MYZAP: variants seen among roughly 807,000 people sequenced by gnomAD.
The protein encoded by MYZAP is myocardial zonula adherens protein, also known as GRINL1A complex locus upstream.
Under a neutral mutation model 69.4 loss-of-function variants are expected in MYZAP, and 66 were observed. The ratio of observed to expected loss-of-function variants is 0.95; its 90% CI spans 0.78 to 1.17. The LOEUF (loss-of-function observed/expected upper bound fraction) is 1.17. Among genes scored for constraint, MYZAP ranks in the 50% most tolerant of loss-of-function variants. The probability of loss-of-function intolerance (pLI) is 0.00; values close to 1 mark genes in which losing one functional copy is unlikely to be tolerated. For synonymous variants in MYZAP, 256 were observed against 205.9 expected, an observed-to-expected ratio of 1.24 and a Z score of -2.09; for missense variants, 611 against 556.2, an observed-to-expected ratio of 1.10 and a Z score of -0.99.
rs1205913065 is a variant in MYZAP, at chr15:57,650,226, G to T, written c.1119+10681G>T. 3.3e-5 allele frequency among the ~76,000 whole-genome samples: 5 copies of T among 152,188 alleles called. No homozygotes were observed. The South Asian group carries it at 1.0e-3, about 32-fold the overall frequency. On this transcript the variant is annotated intron_variant, in intron 10 of 12. Coordinates refer to ENST00000267853, the MANE Select transcript of MYZAP (RefSeq NM_001018100.5). ...TGTGCCATTGTCTTTGAACAATCCT[G>T]TTTTCCTGCCCCTCTGCTGAAGACT...
intron 10 of MYZAP, among the ~76,000 whole-genome samples, chr15:57,653,405 A>G (rs2096233719): frequency 6.6e-6 from 1 of 152,196 alleles, no homozygotes; most frequent in Non-Finnish European, 1.5e-5. Flanking sequence ...GAGCTCACTC[A>G]GGCTTCATTC....
At chr15:57,642,338 G>T (rs1186676297) in intron 10 of MYZAP, among the ~76,000 whole-genome samples, 5 of 152,206 alleles carry the variant, frequency 3.3e-5, no homozygotes, top group African/African-American at 1.2e-4. Context: ...AATCAGCAAA[G>T]TCGTAACTAA....
rs79243265 is a variant in MYZAP, at chr15:57,684,614, G to A, written c.*116G>A. 0.013 allele frequency: 8,965 copies of A among 682,202 alleles called. 143 individuals carry two copies. The highest frequency in any genetic ancestry group is 0.046 in the South Asian group (2,507 of 54,700). 42.3% of individuals were successfully genotyped at this position (682,202 alleles called of 1,614,324 possible). ...CTACACACAGTGTAAGCCGGAATGG[G>A]AATCGCTGAGGCTCTGATCCACTTC... On this transcript the variant is annotated 3_prime_UTR_variant, in exon 13 of 13. Coordinates refer to ENST00000267853, the MANE Select transcript of MYZAP (RefSeq NM_001018100.5).
chr15:57,622,921 T>A (rs957032369), intron 4 of MYZAP, among the ~76,000 whole-genome samples: 4 of 152,056 alleles, frequency 2.6e-5, no homozygotes, highest in African/African-American at 9.7e-5. Context: ...CCGGGAAAAA[T>A]TATTTGTCCT....
Position 57,633,708 on chromosome 15 carries a change from G to A in MYZAP, c.900G>A (p.Gly300=). ...ISLEEKDQRI[G]ELDRLIERME... is the part of the protein sequence containing the mutation. ...TAGAGGAGAAAGACCAGAGGATCGG[G>A]GAGCTGGACAGGCTGATTGAGCGCA... The change falls in exon 8 of 13, where the codon GGG becomes GGA. Residue 300 remains glycine (G), a synonymous_variant. Coordinates refer to ENST00000267853, the MANE Select transcript of MYZAP (RefSeq NM_001018100.5). 6.2e-7 allele frequency: 1 copy of A among 1,612,158 alleles called. No individual in the cohort carries two copies. Among genetic ancestry groups the A allele is most frequent in the Non-Finnish European group, 8.5e-7 (1 of 1,179,126 alleles).
chr15:57,672,645 G>T (rs1474100845), intron 11 of MYZAP, among the ~76,000 whole-genome samples: 1 of 152,190 alleles, frequency 6.6e-6, no homozygotes, highest in East Asian at 1.9e-4. Flanking sequence ...AAATTCTGGT[G>T]CTGACCTTGC....
intron 6 of MYZAP, 45 bp downstream of exon 6, chr15:57,629,899 TCTTTA>T (rs2036394452): frequency 1.3e-6 from 2 of 1,585,630 alleles, no homozygotes; most frequent in Non-Finnish European, 1.7e-6. Flanking sequence ...ACTTTTCTCC[TCTTTA>T]CTTCTCCCTT....
chr15:57,650,205 C>T (rs1386121186), intron 10 of MYZAP, among the ~76,000 whole-genome samples: 2 of 152,124 alleles, frequency 1.3e-5, no homozygotes, highest in African/African-American at 4.8e-5. Context: ...TTCCCCTGTG[C>T]CATTGTCTTT....
intron 2 of MYZAP, among the ~76,000 whole-genome samples, chr15:57,609,284 G>A (rs8026554): frequency 0.012 from 1,777 of 152,288 alleles, 39 homozygotes; most frequent in African/African-American, 0.04. Context: ...CATGAAAAAC[G>A]AGATGGCTTC....
At chr15:57,640,661 A>C (rs1185496065) in intron 10 of MYZAP, among the ~76,000 whole-genome samples, 2 of 152,240 alleles carry the variant, frequency 1.3e-5, no homozygotes, top group African/African-American at 4.8e-5. Flanking sequence ...TTAAGGTCAG[A>C]GAATTGTGAG....
intron 10 of MYZAP, among the ~76,000 whole-genome samples, 166 bp from the exon 11 acceptor site, chr15:57,661,284 T>C (rs2038289064): frequency 6.6e-6 from 1 of 152,086 alleles, no homozygotes; most frequent in Admixed American, 6.5e-5. Flanking sequence ...AGAGAATCAG[T>C]ATGCAGGCTG....
At chr15:57,616,398 G>T (rs1485468925) in intron 2 of MYZAP, among the ~76,000 whole-genome samples, 3 of 152,146 alleles carry the variant, frequency 2.0e-5, no homozygotes, top group Non-Finnish European at 4.4e-5. Flanking sequence ...CCAGCACTTT[G>T]GGGGGCCGAG....
At chr15:57,651,246 A>G (rs2037710805) in intron 10 of MYZAP, among the ~76,000 whole-genome samples, 1 of 152,214 alleles carries the variant, frequency 6.6e-6, no homozygotes, top group South Asian at 2.1e-4. Context: ...GCTTCCATAT[A>G]TATGTATTAC....
At chr15:57,613,493 C>T (rs781006756) in intron 2 of MYZAP, among the ~76,000 whole-genome samples, 6 of 152,068 alleles carry the variant, frequency 3.9e-5, no homozygotes, top group Non-Finnish European at 8.8e-5. Context: ...ACCTTAGCCT[C>T]CCAAGAAGCT....
At chr15:57,599,813 T>G in intron 1 of MYZAP, 2 of 782,480 alleles carry the variant, frequency 2.6e-6, no homozygotes, top group Non-Finnish European at 3.8e-6. Context: ...TATGGGTGGT[T>G]CAGGGGTTAC....
chr15:57,676,987 G>A (rs924459425), intron 12 of MYZAP, among the ~76,000 whole-genome samples: 1 of 152,136 alleles, frequency 6.6e-6, no homozygotes, highest in Non-Finnish European at 1.5e-5. Flanking sequence ...CTACATATCC[G>A]TGTTTCCGAA....
chr15:57,636,863 A>T (rs565463762), intron 8 of MYZAP, among the ~76,000 whole-genome samples: 3 of 152,358 alleles, frequency 2.0e-5, no homozygotes, highest in Non-Finnish European at 4.4e-5. Flanking sequence ...TTAGTGGCTT[A>T]AAACAACACA....
intron 11 of MYZAP, among the ~76,000 whole-genome samples, chr15:57,664,474 G>A (rs1188552144): frequency 2.6e-5 from 4 of 152,130 alleles, no homozygotes; most frequent in Non-Finnish European, 4.4e-5. Flanking sequence ...ACACTCTGCC[G>A]ACGCTGTTCC....
intron 11 of MYZAP, among the ~76,000 whole-genome samples, chr15:57,667,962 G>A (rs1340986651): frequency 6.6e-6 from 1 of 152,110 alleles, no homozygotes; most frequent in Non-Finnish European, 1.5e-5. Context: ...TCTGTAGATG[G>A]TGAGTCACTT....
Sources: gnomAD v4.1 joint callset for allele counts (sites outside exome capture counted in the v4.1 genomes callset) on GRCh38, gnomAD v4.1.1 for gene constraint, MANE v1.5 for transcripts, NCBI Gene and HGNC (gene_info 2026-07-23, HGNC 2026-07-21) for gene names.